Variants in PRR16 observed in about 807,000 individuals in gnomAD.
The protein encoded by PRR16 is proline rich 16, also known as protein Largen.
PRR16 carries 6 observed loss-of-function variants against 18.2 expected under a neutral mutation model. The observed-to-expected ratio is 0.33, with a 90% CI of 0.18 to 0.65. The LOEUF is 0.65. PRR16 is among the 30% of genes least tolerant of loss of function. The pLI, the probability that PRR16 is intolerant of heterozygous loss-of-function variation, is 0.74. For missense variants in PRR16, 412 were observed against 376.6 expected, an observed-to-expected ratio of 1.09 and a Z score of -0.78; for synonymous variants, 151 against 147.8, an observed-to-expected ratio of 1.02 and a Z score of -0.16.
chr5:120,526,848 C>T (rs928909294), intron 1 of PRR16, among the ~76,000 whole-genome samples: 7 of 152,154 alleles, frequency 4.6e-5, no homozygotes, highest in African/African-American at 1.7e-4. Flanking sequence ...CTCGGCCTCC[C>T]AAAGTGCTGG....
chr5:120,644,292 A>T (rs1042966047), intron 1 of PRR16, among the ~76,000 whole-genome samples: 2 of 152,134 alleles, frequency 1.3e-5, no homozygotes, highest in Non-Finnish European at 2.9e-5. Flanking sequence ...ACTTTAACTT[A>T]TAGAATATTT....
downstream of PRR16, among the ~76,000 whole-genome samples, chr5:120,690,626 T>C (rs1757197790): frequency 6.6e-6 from 1 of 152,192 alleles, no homozygotes; most frequent in African/African-American, 2.4e-5. Flanking sequence ...CAAAATCACA[T>C]CACCTTTTCT....
At chr5:120,697,117 A>C in the PRR16 span, among the ~76,000 whole-genome samples, 760 of 152,300 alleles carry the variant, frequency 5.0e-3, 31 homozygotes, top group East Asian at 0.13. Context: ...ACTTTGAGTG[A>C]CTTTATTTGG....
the PRR16 span, among the ~76,000 whole-genome samples, chr5:120,784,609 AT>A: frequency 1.3e-5 from 2 of 152,204 alleles, no homozygotes; most frequent in Non-Finnish European, 2.9e-5. Flanking sequence ...TAGCAAAAAA[AT>A]CTGAATAAAA....
chr5:120,480,318 C>G (rs1006251994), intron 1 of PRR16, among the ~76,000 whole-genome samples: 4 of 152,132 alleles, frequency 2.6e-5, no homozygotes, highest in Non-Finnish European at 4.4e-5. Context: ...CTCATACTGT[C>G]CAATGAATTC....
chr5:120,787,761 A>G, the PRR16 span, among the ~76,000 whole-genome samples: 1 of 152,132 alleles, frequency 6.6e-6, no homozygotes, highest in African/African-American at 2.4e-5. Context: ...GAAAATATGG[A>G]GCGTAAGTAC....
intron 1 of PRR16, among the ~76,000 whole-genome samples, chr5:120,625,998 G>C (rs949371055): frequency 6.6e-6 from 1 of 152,008 alleles, no homozygotes; most frequent in African/African-American, 2.4e-5. Flanking sequence ...TCCCACTCCA[G>C]AATCTGTGCT....
intron 1 of PRR16, among the ~76,000 whole-genome samples, chr5:120,508,074 A>C (rs1312183740): frequency 1.3e-5 from 2 of 152,080 alleles, no homozygotes; most frequent in Admixed American, 6.6e-5. Flanking sequence ...GTGGTGCCTA[A>C]GTATGTCATT....
intron 1 of PRR16, among the ~76,000 whole-genome samples, chr5:120,655,033 T>C (rs1381230479): frequency 1.3e-5 from 2 of 151,916 alleles, no homozygotes; most frequent in East Asian, 3.9e-4. Flanking sequence ...ATATGCATTC[T>C]TTATCTCATG....
At chr5:120,637,303 T>A (rs1476143789) in intron 1 of PRR16, among the ~76,000 whole-genome samples, 1 of 38,998 alleles carries the variant, frequency 2.6e-5, no homozygotes, top group Non-Finnish European at 5.1e-5. Context: ...CGGAGGAAAG[T>A]AAGCCATTAT....
At chr5:120,481,114 C>A in intron 1 of PRR16, 1 of 1,186,214 alleles carries the variant, frequency 8.4e-7, no homozygotes, top group Non-Finnish European at 1.1e-6. Flanking sequence ...TCAAATTAAA[C>A]ACAGCTACTT....
chr5:120,686,404 C>T lies in PRR16; in HGVS notation c.610C>T (p.Arg204Ter), dbSNP rs1757125337. Reference protein sequence around the residue: ...DRCPQAGPRERVRFNEKVQYH... With the variant: ...DRCPQAGPRE ...ATGTCCCCAGGCAGGGCCTCGAGAA[C>T]GAGTTCGGTTTAATGAAAAAGTACA... The change falls in exon 2 of 2, where the codon CGA becomes TGA. Residue 204 changes from arginine (R) to a stop codon, truncating the protein, a stop_gained. Coordinates refer to ENST00000407149, the MANE Select transcript of PRR16 (RefSeq NM_001300783.2). LOFTEE classifies it high-confidence loss of function. The T allele has an allele frequency of 3.1e-6, 5 of 1,614,008 alleles. No homozygotes were observed. The highest frequency in any genetic ancestry group is 3.4e-6 in the Non-Finnish European group (4 of 1,180,014).
At chr5:120,560,071 TA>T (rs1367855755) in intron 1 of PRR16, among the ~76,000 whole-genome samples, 3 of 151,996 alleles carry the variant, frequency 2.0e-5, no homozygotes, top group Non-Finnish European at 1.5e-5. Context: ...TAAAATCATA[TA>T]ATCTACAAAC....
the PRR16 span, among the ~76,000 whole-genome samples, chr5:120,775,541 C>CT: frequency 1.3e-5 from 2 of 151,868 alleles, no homozygotes; most frequent in African/African-American, 4.8e-5. Flanking sequence ...CCTGCTATTC[C>CT]TGATTCTGTT....
At chr5:120,676,424 C>T (rs1227340632) in intron 1 of PRR16, among the ~76,000 whole-genome samples, 3 of 151,924 alleles carry the variant, frequency 2.0e-5, no homozygotes, top group Non-Finnish European at 4.4e-5. Flanking sequence ...AGCACACCCC[C>T]TTGGTATAGC....
the PRR16 span, among the ~76,000 whole-genome samples, chr5:120,699,539 G>T: frequency 9.9e-5 from 15 of 152,114 alleles, no homozygotes; most frequent in Non-Finnish European, 1.6e-4. Context: ...AGCTGAAGGA[G>T]CCAGGAAGCA....
At chr5:120,772,844 C>G in the PRR16 span, among the ~76,000 whole-genome samples, 1 of 152,036 alleles carries the variant, frequency 6.6e-6, no homozygotes, top group Non-Finnish European at 1.5e-5. Context: ...CAGTCCCATC[C>G]CTTCAAGCCA....
chr5:120,513,627 A>G (rs539302824), intron 1 of PRR16, among the ~76,000 whole-genome samples: 7 of 152,104 alleles, frequency 4.6e-5, no homozygotes, highest in Non-Finnish European at 8.8e-5. Context: ...TCATCACAGT[A>G]TTCTCTATTA....
chr5:120,575,588 A>G (rs1184996431), intron 1 of PRR16, among the ~76,000 whole-genome samples: 1 of 152,158 alleles, frequency 6.6e-6, no homozygotes, highest in East Asian at 1.9e-4. Flanking sequence ...CAGATGAAGC[A>G]TTTGAAAAAA....
Sources: gnomAD v4.1 joint callset for allele counts (sites outside exome capture counted in the v4.1 genomes callset) on GRCh38, gnomAD v4.1.1 for gene constraint, MANE v1.5 for transcripts, NCBI Gene and HGNC (gene_info 2026-07-23, HGNC 2026-07-21) for gene names.